The following GALNT14 variants were observed in gnomAD, a reference collection of about 807,000 sequenced individuals.
GALNT14 encodes polypeptide N-acetylgalactosaminyltransferase 14.
Under a neutral mutation model 77.5 loss-of-function variants are expected in GALNT14, and 60 were observed. That is an observed-to-expected ratio of 0.77 (90% CI 0.63 to 0.96). The LOEUF (loss-of-function observed/expected upper bound fraction) is 0.96. GALNT14 is among the 40% of genes least tolerant of loss of function. GALNT14 has a pLI of 0.00. For synonymous variants in GALNT14, 280 were observed against 281.7 expected (o/e 0.99, Z 0.06); for missense variants, 710 against 731.0 (o/e 0.97, Z 0.33).
At chr2:31,040,233 G>A (rs958887271) in intron 1 of GALNT14, among the ~76,000 whole-genome samples, 5 of 152,076 alleles carry the variant, frequency 3.3e-5, no homozygotes, top group Admixed American at 6.5e-5. Flanking sequence ...TTTTGTTCTT[G>A]GGTTTTTTGT....
intron 10 of GALNT14, among the ~76,000 whole-genome samples, chr2:30,929,955 C>T (rs1415630684): frequency 2.0e-5 from 3 of 152,144 alleles, no homozygotes; most frequent in Admixed American, 1.3e-4. Context: ...GACTGCAACC[C>T]GTCACATGAG....
the GALNT14 span, among the ~76,000 whole-genome samples, chr2:30,889,679 G>C: frequency 6.6e-6 from 1 of 151,888 alleles, no homozygotes. Context: ...CAATTTCTGG[G>C]ATTCCTGTAC....
At chr2:31,043,567 C>T (rs900125383) in intron 1 of GALNT14, among the ~76,000 whole-genome samples, 4 of 152,158 alleles carry the variant, frequency 2.6e-5, no homozygotes, top group Middle Eastern at 3.2e-3. Context: ...GATCTGGTCC[C>T]TGCAGGGGCC....
chr2:31,003,408 C>T (rs780680597), intron 1 of GALNT14, among the ~76,000 whole-genome samples: 34 of 152,168 alleles, frequency 2.2e-4, no homozygotes, highest in Non-Finnish European at 7.3e-5. Flanking sequence ...TCCTCCTCAC[C>T]CTCCTCCCTC....
intron 1 of GALNT14, among the ~76,000 whole-genome samples, chr2:31,092,885 T>C (rs1262699550): frequency 6.6e-6 from 1 of 152,144 alleles, no homozygotes; most frequent in East Asian, 1.9e-4. Context: ...ATGGCAAAAA[T>C]TGCAATTACT....
At chr2:31,115,334 C>T (rs925373222) in intron 1 of GALNT14, among the ~76,000 whole-genome samples, 7 of 152,056 alleles carry the variant, frequency 4.6e-5, no homozygotes, top group Non-Finnish European at 1.0e-4. Flanking sequence ...AGATGTTATC[C>T]ACCTGTCTAA....
chr2:31,086,216 C>T (rs553178251), intron 1 of GALNT14, among the ~76,000 whole-genome samples: 1 of 152,296 alleles, frequency 6.6e-6, no homozygotes, highest in Admixed American at 6.5e-5. Flanking sequence ...TGGACTAAAC[C>T]TTGGTCTTCA....
At chr2:31,120,979 G>C (rs145847844) in intron 1 of GALNT14, among the ~76,000 whole-genome samples, 61 of 152,350 alleles carry the variant, frequency 4.0e-4, no homozygotes, top group African/African-American at 9.9e-4. Context: ...AAGAGGTGCA[G>C]TGGATCAGCA....
At chr2:30,896,327 T>A in the GALNT14 span, among the ~76,000 whole-genome samples, 1 of 152,190 alleles carries the variant, frequency 6.6e-6, no homozygotes, top group Non-Finnish European at 1.5e-5. Context: ...ATTTTCTTTC[T>A]GATAAGAAGA....
chr2:30,905,950 C>G (rs1664131742), downstream of GALNT14, among the ~76,000 whole-genome samples: 1 of 151,818 alleles, frequency 6.6e-6, no homozygotes, highest in African/African-American at 2.4e-5. Context: ...AATTTCATAT[C>G]CAGCCAAACT....
At chr2:30,959,167 TC>T (rs1381988848) in intron 3 of GALNT14, among the ~76,000 whole-genome samples, 1 of 152,038 alleles carries the variant, frequency 6.6e-6, no homozygotes, top group Non-Finnish European at 1.5e-5. Context: ...GAATGTCACT[TC>T]CTCCCTAACA....
intron 8 of GALNT14, among the ~76,000 whole-genome samples, chr2:30,942,812 CCT>C (rs1469419084): frequency 1.3e-5 from 2 of 152,114 alleles, no homozygotes; most frequent in Non-Finnish European, 2.9e-5. Flanking sequence ...CCTCTTTATG[CCT>C]CTGTTATGGG....
intron 1 of GALNT14, among the ~76,000 whole-genome samples, chr2:31,079,909 C>A (rs1336455127): frequency 6.6e-6 from 1 of 152,168 alleles, no homozygotes; most frequent in Admixed American, 6.5e-5. Context: ...CCAGGGAAGG[C>A]AAGGGCTGGA....
At chr2:30,961,862 T>C (rs1573043479) in intron 3 of GALNT14, among the ~76,000 whole-genome samples, 2 of 152,112 alleles carry the variant, frequency 1.3e-5, no homozygotes, top group South Asian at 4.2e-4. Context: ...TTTGGTTTTT[T>C]TGTTTTTTTT....
chr2:30,953,112 G>C (rs1667137536), intron 6 of GALNT14, among the ~76,000 whole-genome samples: 2 of 152,078 alleles, frequency 1.3e-5, no homozygotes, highest in South Asian at 4.1e-4. Flanking sequence ...ACATACTCCG[G>C]TTTCCTTTTA....
chr2:31,001,256 T>C (rs768307415), intron 1 of GALNT14, among the ~76,000 whole-genome samples: 3 of 151,870 alleles, frequency 2.0e-5, no homozygotes, highest in Admixed American at 6.6e-5. Flanking sequence ...AAACCATAAC[T>C]AGATTCTACA....
At chr2:31,126,447 C>A (rs1190627517) in intron 1 of GALNT14, among the ~76,000 whole-genome samples, 2 of 152,100 alleles carry the variant, frequency 1.3e-5, no homozygotes, top group African/African-American at 4.8e-5. Flanking sequence ...GATATGTCAC[C>A]AAGCTTCCTT....
chr2:30,895,433 C>T, the GALNT14 span, among the ~76,000 whole-genome samples: 4 of 152,202 alleles, frequency 2.6e-5, no homozygotes, highest in Non-Finnish European at 4.4e-5. Context: ...CTGCCTCCCA[C>T]AGCCCTCCTG....
At chr2:31,016,384 C>G (rs150409779) in intron 1 of GALNT14, among the ~76,000 whole-genome samples, 1 of 152,128 alleles carries the variant, frequency 6.6e-6, no homozygotes, top group African/African-American at 2.4e-5. Flanking sequence ...GGGGTTAGAG[C>G]TCCAACGTAT....
Sources: gnomAD v4.1 joint callset for allele counts (sites outside exome capture counted in the v4.1 genomes callset) on GRCh38, gnomAD v4.1.1 for gene constraint, MANE v1.5 for transcripts, NCBI Gene and HGNC (gene_info 2026-07-23, HGNC 2026-07-21) for gene names.